The following GNA14 variants were observed in gnomAD, a reference collection of about 807,000 sequenced individuals.
GNA14 encodes G protein subunit alpha 14, also known as guanine nucleotide-binding protein subunit alpha-14.
Under a neutral mutation model 42.0 loss-of-function variants are expected in GNA14, and 50 were observed. The ratio of observed to expected loss-of-function variants is 1.19; its 90% CI spans 0.95 to 1.51. The LOEUF is 1.51. Ranked by LOEUF, GNA14 falls within the 40% of genes most tolerant of loss-of-function variation. GNA14 has a pLI of 0.00. For synonymous variants in GNA14, 173 were observed against 163.1 expected (o/e 1.06, Z -0.46); for missense variants, 473 against 446.2 (o/e 1.06, Z -0.54).
intron 1 of GNA14, among the ~76,000 whole-genome samples, chr9:77,589,941 G>T (rs1406770873): frequency 6.6e-6 from 1 of 152,170 alleles, no homozygotes; most frequent in Admixed American, 6.5e-5. Flanking sequence ...TTTTGAGATA[G>T]AGTCTTGCTC....
chr9:77,625,675 A>G (rs1824002667), intron 1 of GNA14, among the ~76,000 whole-genome samples: 1 of 152,194 alleles, frequency 6.6e-6, no homozygotes, highest in South Asian at 2.1e-4. Flanking sequence ...CTTTACAGAC[A>G]AGCAAATGCT....
intron 2 of GNA14, among the ~76,000 whole-genome samples, chr9:77,485,382 T>C (rs1168799309): frequency 1.3e-5 from 2 of 152,222 alleles, no homozygotes; most frequent in Admixed American, 6.5e-5. Context: ...AGTTCTCTTA[T>C]ACTCCTACCA....
chr9:77,460,189 A>G (rs948223216), intron 2 of GNA14, among the ~76,000 whole-genome samples: 15 of 152,206 alleles, frequency 9.9e-5, no homozygotes, highest in Non-Finnish European at 2.2e-4. Context: ...ACGGATTGAG[A>G]TGAGGTCACG....
chr9:77,637,416 T>C (rs1824200145), intron 1 of GNA14, among the ~76,000 whole-genome samples: 1 of 152,220 alleles, frequency 6.6e-6, no homozygotes, highest in Admixed American at 6.5e-5. Context: ...TGAGAAGATG[T>C]TGACCTCATC....
intron 1 of GNA14, among the ~76,000 whole-genome samples, chr9:77,620,282 T>G (rs1302966278): frequency 1.3e-5 from 2 of 152,218 alleles, no homozygotes; most frequent in African/African-American, 2.4e-5. Flanking sequence ...AAGGTCACCA[T>G]GCACATTAGA....
intron 1 of GNA14, among the ~76,000 whole-genome samples, chr9:77,617,162 G>T (rs150502609): frequency 1.3e-5 from 2 of 151,850 alleles, no homozygotes; most frequent in East Asian, 3.9e-4. Flanking sequence ...GAGCCACTGC[G>T]CTCGGCCTCT....
At chr9:77,626,672 T>C (rs1345779425) in intron 1 of GNA14, among the ~76,000 whole-genome samples, 3 of 152,048 alleles carry the variant, frequency 2.0e-5, no homozygotes, top group African/African-American at 7.2e-5. Flanking sequence ...CAGAAATAAA[T>C]AAGTTATTTG....
intron 2 of GNA14, among the ~76,000 whole-genome samples, chr9:77,452,561 T>TA (rs1835921931): frequency 4.9e-5 from 7 of 142,098 alleles, no homozygotes; most frequent in Middle Eastern, 3.5e-3. Context: ...TGTGTGTGTG[T>TA]GTGTGTGTGT....
chr9:77,587,357 C>T (rs538015158), intron 1 of GNA14, among the ~76,000 whole-genome samples: 57 of 152,296 alleles, frequency 3.7e-4, no homozygotes, highest in African/African-American at 1.3e-3. Flanking sequence ...CTCACATGTT[C>T]ATAGCAGCAC....
chr9:77,586,976 GTTTTT>G (rs3052396), intron 1 of GNA14, among the ~76,000 whole-genome samples: 1 of 142,988 alleles, frequency 7.0e-6, no homozygotes, highest in African/African-American at 2.6e-5. Flanking sequence ...TTACAGGCTG[GTTTTT>G]TTTTTTTTTT....
chr9:77,432,073 A>T (rs1293588598), intron 3 of GNA14, among the ~76,000 whole-genome samples: 2 of 147,986 alleles, frequency 1.4e-5, no homozygotes, highest in African/African-American at 5.0e-5. Flanking sequence ...CTTAAAACAT[A>T]TTTTTTTTTT....
At chr9:77,630,977 T>C (rs555582909) in intron 1 of GNA14, among the ~76,000 whole-genome samples, 4 of 152,172 alleles carry the variant, frequency 2.6e-5, no homozygotes, top group Admixed American at 2.6e-4. Context: ...TTGCAAAAAA[T>C]TTGGAAAGAA....
Position 77,498,839 on chromosome 9 carries a change from G to C in GNA14, c.309+30230C>G, listed in dbSNP as rs571757099. ...CGGGGTGTGGGTGTTTGGGTAATGT[G>C]ATGAAAAAACCTACACCCCAGGCAG... On this transcript the variant is annotated intron_variant, in intron 2 of 6. Coordinates refer to ENST00000341700, the MANE Select transcript of GNA14 (RefSeq NM_004297.4). 3.1e-4 allele frequency among the ~76,000 whole-genome samples: 47 copies of C among 152,252 alleles called. No homozygotes were observed. The South Asian group carries it at 3.5e-3, about 11-fold the overall frequency.
chr9:77,516,554 C>T (rs1837260723), intron 2 of GNA14, among the ~76,000 whole-genome samples: 1 of 152,158 alleles, frequency 6.6e-6, no homozygotes. Context: ...GGTGAAACCA[C>T]ATCTCCACTA....
intron 1 of GNA14, among the ~76,000 whole-genome samples, chr9:77,534,663 T>C (rs1017057078): frequency 2.0e-5 from 3 of 152,226 alleles, no homozygotes; most frequent in Non-Finnish European, 2.9e-5. Flanking sequence ...GTTCTGGATG[T>C]TGCTCATGCT....
intron 1 of GNA14, among the ~76,000 whole-genome samples, chr9:77,621,456 GCA>G (rs1189334527): frequency 6.6e-6 from 1 of 152,152 alleles, no homozygotes; most frequent in East Asian, 1.9e-4. Flanking sequence ...GCATGCAAGT[GCA>G]CACACACAGA....
At chr9:77,640,475 G>C (rs1041784339) in intron 1 of GNA14, among the ~76,000 whole-genome samples, 3 of 152,024 alleles carry the variant, frequency 2.0e-5, no homozygotes, top group African/African-American at 7.2e-5. Flanking sequence ...AAAGATGACA[G>C]ACTAGAAGGC....
chr9:77,616,051 G>A (rs1202302289), intron 1 of GNA14, among the ~76,000 whole-genome samples: 1 of 152,128 alleles, frequency 6.6e-6, no homozygotes, highest in African/African-American at 2.4e-5. Context: ...CAATAGGATA[G>A]GATGAGGAAT....
intron 2 of GNA14, among the ~76,000 whole-genome samples, chr9:77,446,903 C>A (rs1039654190): frequency 2.0e-5 from 3 of 151,872 alleles, no homozygotes; most frequent in African/African-American, 7.3e-5. Context: ...TTAACCAGTA[C>A]AGAGATGAAC....
Sources: allele counts gnomAD v4.1 joint callset (sites outside exome capture counted in the v4.1 genomes callset), GRCh38; gene constraint gnomAD v4.1.1; transcripts MANE v1.5; gene names NCBI Gene and HGNC (gene_info 2026-07-23, HGNC 2026-07-21).